Variants in SULT4A1 observed in about 807,000 individuals in gnomAD.
SULT4A1 encodes sulfotransferase family 4A member 1.
A neutral mutation model predicts 35.2 loss-of-function variants in SULT4A1; 11 were observed. That is an observed-to-expected ratio of 0.31 (90% CI 0.20 to 0.52). The LOEUF is 0.52. Among genes scored for constraint, SULT4A1 ranks in the 20% least tolerant of loss-of-function variants. The pLI is 0.97. For missense variants in SULT4A1, 271 were observed against 383.7 expected (o/e 0.71, Z 2.45); for synonymous variants, 152 against 151.8 (o/e 1.00, Z -0.01).
chr22:43,842,733 C>T lies in SULT4A1; in HGVS notation c.170-801G>A, dbSNP rs1215049595. 3.9e-5 allele frequency among the ~76,000 whole-genome samples: 6 copies of T among 152,114 alleles called. No homozygotes were observed. The East Asian group carries it at 1.2e-3, about 29-fold the overall frequency. ...GATGGGCAAAACTCAACTATAGTGACAGAAGTGAGAACAGTGTTTATATTT... is the reference window on the plus strand; with the variant it reads ...GATGGGCAAAACTCAACTATAGTGATAGAAGTGAGAACAGTGTTTATATTT... On this transcript the variant is annotated intron_variant, in intron 1 of 6. Transcript: ENST00000330884.
chr22:43,841,669 C>T lies in SULT4A1; in HGVS notation c.300+133G>A, dbSNP rs2063430188. 7 of 1,389,870 alleles carry T rather than the reference C, an allele frequency of 5.0e-6. No individual in the cohort carries two copies. In the South Asian group the frequency reaches 7.2e-5, roughly 14 times the overall value. 86.1% of individuals were successfully genotyped at this position (1,389,870 alleles called of 1,614,324 possible). ...ACTGCCAGCTCAGGCCTGCCAGCTT[C>T]TCCCCTGGCTATCTGGGGCTATCTG... is the stretch of plus-strand genomic sequence containing the variant. On this transcript the variant is annotated intron_variant, in intron 2 of 6. Transcript: ENST00000330884.
intron 1 of SULT4A1, among the ~76,000 whole-genome samples, chr22:43,843,510 G>A (rs559402863): frequency 1.5e-4 from 23 of 152,354 alleles, no homozygotes; most frequent in African/African-American, 4.1e-4. Context: ...AAGGAATGTC[G>A]CACAGGCAGG....
chr22:43,846,292 C>G (rs568143399), intron 1 of SULT4A1, among the ~76,000 whole-genome samples: 3 of 152,350 alleles, frequency 2.0e-5, no homozygotes, highest in African/African-American at 7.2e-5. Context: ...GACTAACTCC[C>G]GTCCCTCGCC....
intron 5 of SULT4A1, among the ~76,000 whole-genome samples, chr22:43,832,183 C>T (rs1001400553): frequency 2.0e-5 from 3 of 152,184 alleles, no homozygotes; most frequent in African/African-American, 4.8e-5. Context: ...TCTACCACAC[C>T]GTCCTCTGGG....
intron 4 of SULT4A1, among the ~76,000 whole-genome samples, chr22:43,836,244 G>A (rs1603405437): frequency 7.7e-6 from 1 of 129,872 alleles, no homozygotes; most frequent in African/African-American, 3.2e-5. Context: ...TCCAACTGCA[G>A]GTGCCACAGG....
intron 1 of SULT4A1, among the ~76,000 whole-genome samples, chr22:43,853,592 C>T (rs1467486053): frequency 6.6e-6 from 1 of 152,238 alleles, no homozygotes; most frequent in African/African-American, 2.4e-5. Context: ...GCTCCGGCAA[C>T]CCTGGCTTGG....
In SULT4A1 at chr22:43,839,103, C is replaced by A. The variant is rs1445010366; in HGVS notation, c.382-110G>T. On this transcript the variant is annotated intron_variant, in intron 3 of 6. Transcript: ENST00000330884. ...TGCTGGTGCACCTCACAAACCAACA[C>A]CTGCTTCCAGCGTCCAGCTGGGGCC... 1.9e-5 allele frequency: 27 copies of A among 1,437,918 alleles called. 1 individual carries two copies. Among genetic ancestry groups the A allele is most frequent in the African/African-American group, 1.8e-4 (13 of 71,318 alleles). 89.1% of individuals were successfully genotyped at this position (1,437,918 alleles called of 1,614,324 possible). A position where few individuals can be genotyped will look rare whatever the true frequency, so the allele number is the denominator to read the frequency against.
intron 4 of SULT4A1, among the ~76,000 whole-genome samples, chr22:43,835,988 T>C (rs1159425794): frequency 6.6e-6 from 1 of 152,216 alleles, no homozygotes; most frequent in African/African-American, 2.4e-5. Context: ...CCTCCACGCT[T>C]TTCCCTGGGC....
chr22:43,856,090 A>C (rs138100), intron 1 of SULT4A1, among the ~76,000 whole-genome samples: 35,934 of 152,166 alleles, frequency 0.24, 4,462 homozygotes, highest in African/African-American at 0.32. Flanking sequence ...CTCCAGACCT[A>C]GGCCAGGTGC....
intron 1 of SULT4A1, among the ~76,000 whole-genome samples, chr22:43,851,533 A>T (rs763542126): frequency 6.6e-5 from 10 of 152,090 alleles, no homozygotes; most frequent in Non-Finnish European, 1.3e-4. Context: ...TGGTGCTTTC[A>T]CAGCTGAGGA....
rs1281752914 is a variant in SULT4A1, at chr22:43,836,769, C to T, written c.508+2098G>A. On this transcript the variant is annotated intron_variant, in intron 4 of 6. Transcript: ENST00000330884. ...TGCCACAGGGACCCTGTCTACACAG[C>T]GTCCTCACACTGCAGGTGCCACAGG... 3.3e-5 allele frequency among the ~76,000 whole-genome samples: 5 copies of T among 151,276 alleles called. 1 individual carries two copies. The East Asian group carries it at 5.9e-4, about 18-fold the overall frequency.
intron 5 of SULT4A1, among the ~76,000 whole-genome samples, chr22:43,829,462 G>A (rs563479214): frequency 6.6e-6 from 1 of 152,352 alleles, no homozygotes; most frequent in South Asian, 2.1e-4. Flanking sequence ...CTTAATAGAG[G>A]TGTGGTTAAG....
intron 1 of SULT4A1, among the ~76,000 whole-genome samples, chr22:43,860,331 C>T (rs941734189): frequency 6.6e-5 from 10 of 152,104 alleles, no homozygotes; most frequent in South Asian, 6.2e-4. Flanking sequence ...GGGGCCCTCT[C>T]GGCTTCCCCA....
intron 1 of SULT4A1, among the ~76,000 whole-genome samples, chr22:43,857,578 T>A (rs1405733969): frequency 6.6e-6 from 1 of 151,992 alleles, no homozygotes; most frequent in East Asian, 1.9e-4. Flanking sequence ...AAACCACAGA[T>A]CCAAGAGGCT....
chr22:43,846,561 C>G (rs1174637419), intron 1 of SULT4A1, among the ~76,000 whole-genome samples: 2 of 152,178 alleles, frequency 1.3e-5, no homozygotes, highest in Non-Finnish European at 2.9e-5. Context: ...AGCTTTGGAG[C>G]AAAGGCACTG....
At chr22:43,844,718 T>C (rs535893118) in intron 1 of SULT4A1, among the ~76,000 whole-genome samples, 1 of 152,314 alleles carries the variant, frequency 6.6e-6, no homozygotes, top group Non-Finnish European at 1.5e-5. Context: ...AGCCTCAGCC[T>C]AGGCACAGCT....
Position 43,824,674 on chromosome 22 carries a change from G to A in SULT4A1, c.*1327C>T, listed in dbSNP as rs138752617. On this transcript the variant is annotated 3_prime_UTR_variant, in exon 7 of 7. Transcript: ENST00000330884. The stretch of plus-strand genomic sequence containing the variant: ...CAAGGTGCTGCCGAGCCCACCATGC[G>A]ATGCCACGTGCCACCTGCCTGGCCA... 1 of 152,356 alleles carries A rather than the reference G, an allele frequency of 6.6e-6. No individual in the cohort carries two copies. Among genetic ancestry groups the A allele is most frequent in the African/African-American group, 2.4e-5 (1 of 41,502 alleles). 9.4% of individuals were successfully genotyped at this position (152,356 alleles called of 1,614,324 possible). A position where few individuals can be genotyped will look rare whatever the true frequency, so the allele number is the denominator to read the frequency against.
intron 1 of SULT4A1, among the ~76,000 whole-genome samples, chr22:43,849,517 C>T (rs1299711438): frequency 6.6e-6 from 1 of 152,172 alleles, no homozygotes; most frequent in Admixed American, 6.5e-5. Flanking sequence ...TACGGTTGGA[C>T]ATCGGACAGA....
chr22:43,858,137 C>A (rs1272035652), intron 1 of SULT4A1, among the ~76,000 whole-genome samples: 1 of 151,534 alleles, frequency 6.6e-6, no homozygotes, highest in East Asian at 1.9e-4. Context: ...CACCTGTAAT[C>A]CCAGTACTTT....
Sources: allele counts gnomAD v4.1 joint callset (sites outside exome capture counted in the v4.1 genomes callset), GRCh38; gene constraint gnomAD v4.1.1; transcripts MANE v1.5; gene names NCBI Gene and HGNC (gene_info 2026-07-23, HGNC 2026-07-21).